PDE6D: variants seen among roughly 807,000 people sequenced by gnomAD.
PDE6D encodes phosphodiesterase 6D, also known as retinal rod rhodopsin-sensitive cGMP 3',5'-cyclic phosphodiesterase subunit delta.
A neutral mutation model predicts 21.9 loss-of-function variants in PDE6D; 10 were observed. The ratio of observed to expected loss-of-function variants is 0.46; its 90% confidence interval spans 0.28 to 0.78. The LOEUF is 0.78. PDE6D is among the 30% of genes least tolerant of loss of function. PDE6D has a pLI of 0.12. For missense variants in PDE6D, 139 were observed against 184.8 expected (o/e 0.75, Z 1.44); for synonymous variants, 59 against 63.5 (o/e 0.93, Z 0.34).
rs146510084 is a variant in PDE6D at position 231,732,996 on chromosome 2, C to T, written c.409G>A (p.Asp137Asn). Reference sequence around the variant, plus strand: ...ACTCTGGATGTGCTTACAAGAAGATCGTCGTCAAAAAACTTTGTTTCTATG... The same window carrying T: ...ACTCTGGATGTGCTTACAAGAAGATTGTCGTCAAAAAACTTTGTTTCTATG... ...VIIETKFFDD[D>N]LLVSTSRVRL... Residue 137 changes from aspartate (D) to asparagine (N), a missense_variant, in exon 5 of 5, where the codon GAT (aspartate) becomes AAT (asparagine). Asp to Asn is a conservative substitution (Grantham distance 23). Transcript: ENST00000287600. The T allele has an allele frequency of 1.1e-3, 1,785 of 1,612,136 alleles. 8 individuals carry two copies. Among genetic ancestry groups the T allele is most frequent in the African/African-American group, 6.9e-3 (521 of 75,008 alleles).
chr2:231,780,304 C>A (rs2049098137), intron 1 of PDE6D, among the ~76,000 whole-genome samples: 1 of 152,176 alleles, frequency 6.6e-6, no homozygotes, highest in Non-Finnish European at 1.5e-5. Context: ...AGCAAAGACA[C>A]CTCGGCTAGG....
chr2:231,734,092 T>C (rs573744858), intron 4 of PDE6D, among the ~76,000 whole-genome samples: 5 of 152,038 alleles, frequency 3.3e-5, no homozygotes, highest in South Asian at 2.1e-4. Flanking sequence ...CGGGCGCCTA[T>C]AGTCCCAGCT....
chr2:231,741,922 A>G (rs2048752793), intron 1 of PDE6D, among the ~76,000 whole-genome samples: 2 of 152,264 alleles, frequency 1.3e-5, no homozygotes, highest in Non-Finnish European at 2.9e-5. Flanking sequence ...GAGAAACAAC[A>G]AAACTGTCAT....
chr2:231,776,181 C>A (rs1012014771), intron 1 of PDE6D, among the ~76,000 whole-genome samples: 7 of 151,902 alleles, frequency 4.6e-5, no homozygotes, highest in Admixed American at 3.3e-4. Context: ...ATTAGCCGGG[C>A]GTGGTGGCAG....
chr2:231,744,292 T>C (rs2048774025), intron 1 of PDE6D, among the ~76,000 whole-genome samples: 1 of 152,204 alleles, frequency 6.6e-6, no homozygotes, highest in African/African-American at 2.4e-5. Flanking sequence ...TTTAAATTAG[T>C]CTTCTATCTG....
At chr2:231,766,566 T>A in intron 1 of PDE6D, among the ~76,000 whole-genome samples, 1 of 152,172 alleles carries the variant, frequency 6.6e-6, no homozygotes, top group East Asian at 1.9e-4. Flanking sequence ...TTCTTTCAGG[T>A]TATTTGGAGG....
chr2:231,751,487 A>G (rs2048839894), intron 1 of PDE6D, among the ~76,000 whole-genome samples: 1 of 152,200 alleles, frequency 6.6e-6, no homozygotes, highest in African/African-American at 2.4e-5. Context: ...AAAATAGTAG[A>G]GTTCTCATTT....
chr2:231,735,369 G>A (rs1301988033), intron 4 of PDE6D, among the ~76,000 whole-genome samples: 5 of 144,988 alleles, frequency 3.4e-5, no homozygotes, highest in Non-Finnish European at 6.0e-5. Context: ...GCGTGATCTC[G>A]GCTCACTGCA....
intron 1 of PDE6D, among the ~76,000 whole-genome samples, chr2:231,743,660 C>T (rs577778051): frequency 9.9e-5 from 15 of 152,116 alleles, no homozygotes; most frequent in South Asian, 4.1e-4. Context: ...CAGACAGTGC[C>T]GTTCCTCTCC....
intron 1 of PDE6D, among the ~76,000 whole-genome samples, chr2:231,754,769 A>C (rs1222810721): frequency 6.6e-6 from 1 of 151,850 alleles, no homozygotes; most frequent in Non-Finnish European, 1.5e-5. Flanking sequence ...TGATGAGACT[A>C]AGAGAAAGGT....
intron 1 of PDE6D, among the ~76,000 whole-genome samples, chr2:231,749,927 T>C (rs1022934144): frequency 6.6e-6 from 1 of 152,062 alleles, no homozygotes; most frequent in East Asian, 1.9e-4. Context: ...GGTTTTGAAG[T>C]GTGAGGACAC....
At chr2:231,737,739 C>T in intron 3 of PDE6D, 1 of 390,792 alleles carries the variant, frequency 2.6e-6, no homozygotes, top group East Asian at 4.5e-5. Flanking sequence ...ATAGCAGCTT[C>T]CTCCATGATC....
chr2:231,767,055 C>G (rs1469020714), intron 1 of PDE6D, among the ~76,000 whole-genome samples: 1 of 146,320 alleles, frequency 6.8e-6, no homozygotes, highest in African/African-American at 2.5e-5. Context: ...TCAGTGTCAT[C>G]TGGGGGTTTC....
In PDE6D at chr2:231,780,741, G is replaced by A. The variant is rs984796600; in HGVS notation, c.50+324C>T. Among the ~76,000 whole-genome samples the A allele has an allele frequency of 5.3e-5, 8 of 152,070 alleles. No individual in the cohort carries two copies. In the East Asian group the frequency reaches 1.4e-3, roughly 26 times the overall value. On this transcript the variant is annotated intron_variant, in intron 1 of 4. Coordinates refer to ENST00000287600, the MANE Select transcript of PDE6D (RefSeq NM_002601.4). ...GCCCCATCCCGGCCTCTGGGTCCCG[G>A]CCGGGGATCGGAACCCAGCCGGCTT... is the stretch of plus-strand genomic sequence containing the variant.
At chr2:231,770,134 TTG>T (rs1019972311) in intron 1 of PDE6D, among the ~76,000 whole-genome samples, 12 of 152,342 alleles carry the variant, frequency 7.9e-5, no homozygotes, top group African/African-American at 2.9e-4. Context: ...GGGATAAATT[TTG>T]TGTTACTTTA....
chr2:231,775,412 T>G lies in PDE6D; in HGVS notation c.50+5653A>C, dbSNP rs147528196. Among the ~76,000 whole-genome samples, 1,060 of 151,718 alleles carry G rather than the reference T, an allele frequency of 7.0e-3. 4 individuals are homozygous for G. Among genetic ancestry groups the G allele is most frequent in the Middle Eastern group, 0.014 (4 of 292 alleles). On this transcript the variant is annotated intron_variant, in intron 1 of 4. Transcript: ENST00000287600. ...GCGACCTCCACCTCCCAGGCTCAGG[T>G]GATCCCCTCACCTCAGCCTCCCAGT...
At chr2:231,735,251 A>G (rs974747299) in intron 4 of PDE6D, among the ~76,000 whole-genome samples, 1 of 151,466 alleles carries the variant, frequency 6.6e-6, no homozygotes, top group Non-Finnish European at 1.5e-5. Context: ...CAAAAAAAAA[A>G]AAAAAAAATC....
At chr2:231,758,340 G>A (rs1031919151) in intron 1 of PDE6D, among the ~76,000 whole-genome samples, 22 of 151,550 alleles carry the variant, frequency 1.5e-4, no homozygotes, top group Non-Finnish European at 1.8e-4. Context: ...GTCTCACTAT[G>A]TTGCCCAGGC....
Position 231,744,249 on chromosome 2 carries a change from A to G in PDE6D, c.51-5061T>C, listed in dbSNP as rs2048773666. Among the ~76,000 whole-genome samples, 9 of 152,146 alleles carry G rather than the reference A, an allele frequency of 5.9e-5. No individual in the cohort carries two copies. In the South Asian group the frequency reaches 1.9e-3, roughly 32 times the overall value. Reference sequence around the variant, plus strand: ...GCCTGGGGCCAGGACTTACTCTTCAATCTATGTATTAAATGATAAAAAAGA... The same window carrying G: ...GCCTGGGGCCAGGACTTACTCTTCAGTCTATGTATTAAATGATAAAAAAGA... On this transcript the variant is annotated intron_variant, in intron 1 of 4. Coordinates refer to ENST00000287600, the MANE Select transcript of PDE6D (RefSeq NM_002601.4).
Sources: gnomAD v4.1 joint callset for allele counts (sites outside exome capture counted in the v4.1 genomes callset) on GRCh38, gnomAD v4.1.1 for gene constraint, MANE v1.5 for transcripts, NCBI Gene and HGNC (gene_info 2026-07-23, HGNC 2026-07-21) for gene names.